The following DLEU7 variants were observed in gnomAD, a reference collection of about 807,000 sequenced individuals.
The protein encoded by DLEU7 is deleted in lymphocytic leukemia 7, also known as leukemia-associated protein 7.
Under a neutral mutation model 16.0 loss-of-function variants are expected in DLEU7, and 17 were observed. The ratio of observed to expected loss-of-function variants is 1.06; its 90% CI spans 0.73 to 1.59. The LOEUF (loss-of-function observed/expected upper bound fraction) is 1.59. Ranked by LOEUF, DLEU7 falls within the 40% of genes most tolerant of loss-of-function variation. The probability of loss-of-function intolerance (pLI) is 0.00; values close to 1 mark genes in which losing one functional copy is unlikely to be tolerated. For synonymous variants in DLEU7, 113 were observed against 139.8 expected, an observed-to-expected ratio of 0.81 and a Z score of 1.35; for missense variants, 308 against 314.9, an observed-to-expected ratio of 0.98 and a Z score of 0.17.
intron 1 of DLEU7, among the ~76,000 whole-genome samples, chr13:50,768,442 C>T (rs1215753515): frequency 1.6e-5 from 2 of 127,948 alleles, no homozygotes; most frequent in African/African-American, 5.8e-5. Context: ...CCCCTCCCCT[C>T]ACCCCACGAC....
chr13:50,767,389 G>C (rs1220382685), intron 1 of DLEU7, among the ~76,000 whole-genome samples: 2 of 151,244 alleles, frequency 1.3e-5, no homozygotes, highest in Admixed American at 6.6e-5. Context: ...CCGGGAGGCG[G>C]AGCTTGCAGT....
intron 1 of DLEU7, among the ~76,000 whole-genome samples, chr13:50,773,716 G>A (rs1006499391): frequency 5.3e-5 from 8 of 152,200 alleles, no homozygotes; most frequent in African/African-American, 1.9e-4. Context: ...TCCCAGTTAG[G>A]CTACATGGGG....
intron 1 of DLEU7, among the ~76,000 whole-genome samples, chr13:50,715,090 G>A (rs1048564646): frequency 2.0e-5 from 3 of 152,138 alleles, no homozygotes; most frequent in Non-Finnish European, 4.4e-5. Flanking sequence ...CTGTCGGCGG[G>A]AACTGCCACT....
intron 1 of DLEU7, among the ~76,000 whole-genome samples, chr13:50,786,519 G>T (rs914761772): frequency 2.0e-5 from 3 of 152,140 alleles, no homozygotes; most frequent in African/African-American, 7.2e-5. Context: ...GTAGGATTCA[G>T]CAGGAAGAGA....
chr13:50,811,097 G>T (rs1005214374), intron 1 of DLEU7, among the ~76,000 whole-genome samples: 15 of 152,126 alleles, frequency 9.9e-5, no homozygotes, highest in African/African-American at 3.4e-4. Flanking sequence ...CGTGGCAGCT[G>T]GAAGCACCTA....
intron 1 of DLEU7, among the ~76,000 whole-genome samples, chr13:50,768,042 C>T (rs1194813142): frequency 6.6e-6 from 1 of 152,176 alleles, no homozygotes; most frequent in East Asian, 1.9e-4. Flanking sequence ...TTTATATGTA[C>T]CCAAATATTT....
At position 50,750,268 on chromosome 13, in the gene DLEU7, T is replaced by G. The variant is rs182901046; in HGVS notation, c.460-37028A>C. Among the ~76,000 whole-genome samples, 81 of 152,270 alleles carry G rather than the reference T, an allele frequency of 5.3e-4. 1 individual carries two copies. The East Asian group carries it at 0.015, about 29-fold the overall frequency. ...ATAAGTACTTGGATTTATTTCTAGG[T>G]TCTCTATTCTATTCCATTGGTCTAT... On this transcript the variant is annotated intron_variant, in intron 1 of 1. Transcript: ENST00000400393.
chr13:50,824,357 G>A (rs1436629592), intron 1 of DLEU7, among the ~76,000 whole-genome samples: 1 of 152,118 alleles, frequency 6.6e-6, no homozygotes, highest in South Asian at 2.1e-4. Context: ...TTTCAGTATA[G>A]GGAAATGACA....
At chr13:50,819,626 T>G (rs1876836251), downstream of DLEU7, among the ~76,000 whole-genome samples, 1 of 152,072 alleles carries the variant, frequency 6.6e-6, no homozygotes, top group Non-Finnish European at 1.5e-5. Flanking sequence ...GCTGATTGAG[T>G]GAATTTAGGT....
At chr13:50,808,147 A>C (rs1247906494) in intron 1 of DLEU7, among the ~76,000 whole-genome samples, 1 of 152,170 alleles carries the variant, frequency 6.6e-6, no homozygotes, top group Non-Finnish European at 1.5e-5. Flanking sequence ...GCATCAAGGC[A>C]AAAAAACATT....
At chr13:50,756,144 G>A (rs907367583) in intron 1 of DLEU7, among the ~76,000 whole-genome samples, 1 of 152,306 alleles carries the variant, frequency 6.6e-6, no homozygotes, top group African/African-American at 2.4e-5. Flanking sequence ...ACTCTGTGAG[G>A]GTTCTTAGCT....
chr13:50,799,696 C>A (rs1037435746), intron 1 of DLEU7, among the ~76,000 whole-genome samples: 1 of 152,128 alleles, frequency 6.6e-6, no homozygotes, highest in Non-Finnish European at 1.5e-5. Context: ...TACAAAATAT[C>A]TTTTCCTCTC....
chr13:50,794,357 T>C (rs892392998), intron 1 of DLEU7, among the ~76,000 whole-genome samples: 1 of 152,096 alleles, frequency 6.6e-6, no homozygotes, highest in Non-Finnish European at 1.5e-5. Flanking sequence ...ATTACAATCA[T>C]TGTGACATTC....
upstream of DLEU7, chr13:50,843,813 G>T: frequency 4.3e-6 from 4 of 935,186 alleles, no homozygotes; most frequent in Non-Finnish European, 6.0e-6. The surrounding 1 kb of genome is among the most constrained non-coding windows in gnomAD (Gnocchi z 5.7). Flanking sequence ...TCGGTGACCC[G>T]TGCTGGCCTC....
intron 1 of DLEU7, among the ~76,000 whole-genome samples, chr13:50,732,755 A>G (rs1873951100): frequency 6.6e-6 from 1 of 152,164 alleles, no homozygotes; most frequent in South Asian, 2.1e-4. Context: ...ATTCTATTAG[A>G]TGACCTAACA....
At chr13:50,737,566 T>C (rs943876402) in intron 1 of DLEU7, among the ~76,000 whole-genome samples, 1 of 152,150 alleles carries the variant, frequency 6.6e-6, no homozygotes, top group Non-Finnish European at 1.5e-5. Flanking sequence ...TGGTGATCTG[T>C]GATCAGTAAT....
chr13:50,753,753 C>T (rs1874664688), intron 1 of DLEU7, among the ~76,000 whole-genome samples: 1 of 152,222 alleles, frequency 6.6e-6, no homozygotes, highest in African/African-American at 2.4e-5. Context: ...AAGGGGCTCC[C>T]ACAGTGCAGC....
downstream of DLEU7, chr13:50,711,181 T>C (rs935065323): frequency 2.6e-5 from 4 of 152,172 alleles, no homozygotes; most frequent in African/African-American, 9.7e-5. Context: ...AAATATTGAG[T>C]ATATCAATAT....
At chr13:50,748,624 A>T (rs1009633396) in intron 1 of DLEU7, among the ~76,000 whole-genome samples, 1 of 151,886 alleles carries the variant, frequency 6.6e-6, no homozygotes, top group Non-Finnish European at 1.5e-5. Flanking sequence ...TTTTTAAAGG[A>T]TTGTTTGCTT....
Sources: allele counts gnomAD v4.1 joint callset (sites outside exome capture counted in the v4.1 genomes callset), GRCh38; gene constraint gnomAD v4.1.1; non-coding constraint Gnocchi (gnomAD v3.1); transcripts MANE v1.5; gene names NCBI Gene and HGNC (gene_info 2026-07-23, HGNC 2026-07-21).